The following PPP2R5D variants were observed in gnomAD, a reference collection of about 807,000 sequenced individuals.
PPP2R5D encodes the protein protein phosphatase 2 regulatory subunit B'delta, also known as serine/threonine-protein phosphatase 2A 56 kDa regulatory subunit delta isoform.
A neutral mutation model predicts 79.1 loss-of-function variants in PPP2R5D; 12 were observed. The ratio of observed to expected loss-of-function variants is 0.15; its 90% CI spans 0.10 to 0.25. PPP2R5D has a LOEUF of 0.25. PPP2R5D is among the 10% of genes least tolerant of loss of function. The pLI is 1.00. For missense variants in PPP2R5D, 419 were observed against 760.2 expected (o/e 0.55, Z 5.28); for synonymous variants, 277 against 286.6 (o/e 0.97, Z 0.34).
Position 43,007,632 on chromosome 6 carries a change from T to C in PPP2R5D, c.726+126T>C. On this transcript the variant is annotated intron_variant, in intron 6 of 15. Coordinates refer to ENST00000485511, the MANE Select transcript of PPP2R5D (RefSeq NM_006245.4). This position sits in a 1 kb window ranked among gnomAD's most constrained non-coding sequence, Gnocchi z 4.5. Reference sequence around the variant, plus strand: ...TCATCCATGTCTGGTACGAGGAGGCTATAAAGGGTAAAAAACAAAACAAAA... The same window carrying C: ...TCATCCATGTCTGGTACGAGGAGGCCATAAAGGGTAAAAAACAAAACAAAA... 1.0e-6 allele frequency: 1 copy of C among 995,330 alleles called. No individual in the cohort carries two copies. 61.7% of individuals were successfully genotyped at this position (995,330 alleles called of 1,614,324 possible).
chr6:43,008,106 T>A lies in PPP2R5D; in HGVS notation c.857+41T>A, dbSNP rs754116936. 28 of 1,613,652 alleles carry A rather than the reference T, an allele frequency of 1.7e-5. No homozygotes were observed. In the Middle Eastern group the frequency reaches 4.9e-4, roughly 28 times the overall value. ...CAGGCTTAGGAGCAAAACCTTCTGC[T>A]ACTGAGGTGGGGTGGGAGCAGGGAG... On this transcript the variant is annotated intron_variant, in intron 7 of 15. Coordinates refer to ENST00000485511, the MANE Select transcript of PPP2R5D (RefSeq NM_006245.4). This position sits in a 1 kb window ranked among gnomAD's most constrained non-coding sequence, Gnocchi z 4.2.
chr6:43,010,830 C>T lies in PPP2R5D; in HGVS notation c.1555-51C>T. The T allele has an allele frequency of 1.3e-6, 2 of 1,599,548 alleles. No individual in the cohort carries two copies. The highest frequency in any genetic ancestry group is 4.5e-5 in the East Asian group (2 of 44,774). ...GGGGAGGAATATGGGGCACACAGGC[C>T]CCCAAGCCTCTGAAGTGGCTCTTAA... On this transcript the variant is annotated intron_variant, in intron 14 of 15. Coordinates refer to ENST00000485511, the MANE Select transcript of PPP2R5D (RefSeq NM_006245.4). This position sits in a 1 kb window ranked among gnomAD's most constrained non-coding sequence, Gnocchi z 4.7.
Position 43,006,789 on chromosome 6 carries a change from C to A in PPP2R5D, c.322+110C>A, listed in dbSNP as rs973769113. The A allele has an allele frequency of 1.3e-6, 2 of 1,567,980 alleles. No individual in the cohort carries two copies. Among genetic ancestry groups the A allele is most frequent in the South Asian group, 1.2e-5 (1 of 86,224 alleles). Reference sequence around the variant, plus strand: ...GCGGGGAAGGGAGTTCCAGAGAATGCGGGAAGGGGGTGCCAGGGAGCAGGA... The same window carrying A: ...GCGGGGAAGGGAGTTCCAGAGAATGAGGGAAGGGGGTGCCAGGGAGCAGGA... On this transcript the variant is annotated intron_variant, in intron 3 of 15. Transcript: ENST00000485511. The surrounding 1 kb of genome is among the most constrained non-coding windows in gnomAD (Gnocchi z 4.7).
intron 1 of PPP2R5D, 150 bp from the exon 2 acceptor site, chr6:42,989,461 C>G (rs147864834): frequency 0.021 from 13,449 of 654,638 alleles, 681 homozygotes; most frequent in Admixed American, 0.17. Context: ...TGCGTAGATC[C>G]CTCCACCCAC....
chr6:42,991,457 C>A (rs755594345), intron 2 of PPP2R5D, among the ~76,000 whole-genome samples: 4 of 152,154 alleles, frequency 2.6e-5, no homozygotes, highest in Non-Finnish European at 5.9e-5. Context: ...CAGGACCTCG[C>A]GAGGGCTTCT....
rs944018907 is a variant in PPP2R5D at position 42,984,573 on chromosome 6, G to C, written c.-105G>C. On this transcript the variant is annotated 5_prime_UTR_variant, in exon 1 of 16. Coordinates refer to ENST00000485511, the MANE Select transcript of PPP2R5D (RefSeq NM_006245.4). ...GCAGGCACCGCTCGACCCGGGCGCAGCGCGCAGGCGGTGGCGAAGAGACGC... is the reference window on the plus strand; with the variant it reads ...GCAGGCACCGCTCGACCCGGGCGCACCGCGCAGGCGGTGGCGAAGAGACGC... 27 of 1,454,230 alleles carry C rather than the reference G, an allele frequency of 1.9e-5. No homozygotes were observed. The highest frequency in any genetic ancestry group is 2.2e-5 in the Non-Finnish European group (24 of 1,106,582). The allele number at this position is 1,454,230 out of a possible 1,614,324, so 90.1% of individuals were successfully genotyped here.
rs1271830406 is a variant in PPP2R5D at position 43,007,355 on chromosome 6, C to T, written c.633+49C>T. 1 of 1,606,222 alleles carries T rather than the reference C, an allele frequency of 6.2e-7. No individual in the cohort carries two copies. Among genetic ancestry groups the T allele is most frequent in the East Asian group, 2.2e-5 (1 of 44,834 alleles). On this transcript the variant is annotated intron_variant, in intron 5 of 15. Transcript: ENST00000485511. The surrounding 1 kb of genome is among the most constrained non-coding windows in gnomAD (Gnocchi z 4.5). ...GGCCGTGGCTGCAGGGAGTGGGGCACTTGGAGGCCTGCAAGTCCTTGGGAA... is the reference window on the plus strand; with the variant it reads ...GGCCGTGGCTGCAGGGAGTGGGGCATTTGGAGGCCTGCAAGTCCTTGGGAA...
intron 1 of PPP2R5D, among the ~76,000 whole-genome samples, chr6:42,988,987 A>C (rs2150250463): frequency 6.6e-6 from 1 of 152,248 alleles, no homozygotes; most frequent in African/African-American, 2.4e-5. Context: ...CACTCTTTGT[A>C]ACAGTTCAGG....
intron 2 of PPP2R5D, among the ~76,000 whole-genome samples, chr6:43,005,765 G>A (rs895464211): frequency 1.3e-5 from 2 of 152,070 alleles, no homozygotes; most frequent in Non-Finnish European, 2.9e-5. Context: ...GGGATTACAG[G>A]CGCCTGCCAC....
intron 2 of PPP2R5D, among the ~76,000 whole-genome samples, chr6:43,004,982 C>T (rs984202500): frequency 9.2e-5 from 14 of 151,936 alleles, no homozygotes; most frequent in African/African-American, 3.4e-4. Flanking sequence ...CTCCTGACCT[C>T]AAGTGATACA....
chr6:42,995,730 T>A (rs1771615958), intron 2 of PPP2R5D, among the ~76,000 whole-genome samples: 1 of 120,232 alleles, frequency 8.3e-6, no homozygotes, highest in Non-Finnish European at 1.6e-5. Flanking sequence ...TTTTTCTCCT[T>A]TTTTTTTTTG....
rs1245666922 is a variant in PPP2R5D at position 43,007,692 on chromosome 6, A to G, written c.726+186A>G. On this transcript the variant is annotated intron_variant, in intron 6 of 15. Transcript: ENST00000485511. This position sits in a 1 kb window ranked among gnomAD's most constrained non-coding sequence, Gnocchi z 4.5. Reference sequence around the variant, plus strand: ...ACTCTGGCCTTAAGAAACTAACAACATAATGGTAGGAAACAAAAAAGCAAC... The same window carrying G: ...ACTCTGGCCTTAAGAAACTAACAACGTAATGGTAGGAAACAAAAAAGCAAC... 6.6e-6 allele frequency among the ~76,000 whole-genome samples: 1 copy of G among 152,240 alleles called. No homozygotes were observed. The highest frequency in any genetic ancestry group is 1.9e-4 in the East Asian group (1 of 5,202).
chr6:42,989,535 A>G (rs1215575962), intron 1 of PPP2R5D, 76 bp from the exon 2 acceptor site: 3 of 1,248,352 alleles, frequency 2.4e-6, no homozygotes, highest in Non-Finnish European at 3.4e-6. Flanking sequence ...ATTTGCAACA[A>G]AGATCTAAGG....
At chr6:42,991,440 CT>C (rs1771257413) in intron 2 of PPP2R5D, among the ~76,000 whole-genome samples, 1 of 152,228 alleles carries the variant, frequency 6.6e-6, no homozygotes, top group Non-Finnish European at 1.5e-5. Context: ...CCACCCACCC[CT>C]ATCCCCAGGA....
chr6:42,987,872 G>A (rs1770969098), intron 1 of PPP2R5D, among the ~76,000 whole-genome samples: 1 of 152,194 alleles, frequency 6.6e-6, no homozygotes, highest in South Asian at 2.1e-4. Flanking sequence ...GATTGGAGAT[G>A]TATGAAGATG....
chr6:43,008,298 G>T lies in PPP2R5D; in HGVS notation c.917+38G>T. On this transcript the variant is annotated intron_variant, in intron 8 of 15. Transcript: ENST00000485511. The surrounding 1 kb of genome is among the most constrained non-coding windows in gnomAD (Gnocchi z 4.2). ...GTGGGGGCACAGATGCCTGAAAAAG[G>T]TTGGCAGGATTGGTGTACTGAACTT... 6.2e-7 allele frequency: 1 copy of T among 1,613,992 alleles called. No homozygotes were observed. The highest frequency in any genetic ancestry group is 1.1e-5 in the South Asian group (1 of 91,080).
intron 2 of PPP2R5D, among the ~76,000 whole-genome samples, chr6:43,003,883 C>T (rs1761915140): frequency 6.6e-6 from 1 of 151,976 alleles, no homozygotes; most frequent in South Asian, 2.1e-4. Context: ...TACAGGCACC[C>T]ACCACCACGC....
Position 43,009,350 on chromosome 6 carries a change from A to G in PPP2R5D, c.1280A>G (p.Asn427Ser). Residue 427 changes from asparagine to serine, a missense_variant, in exon 12 of 16, where the codon AAC (asparagine) becomes AGC (serine). Coordinates refer to ENST00000485511, the MANE Select transcript of PPP2R5D (RefSeq NM_006245.4). The surrounding 1 kb of genome is among the most constrained non-coding windows in gnomAD (Gnocchi z 5.6). ...QVAERALYYWNNEYIMSLISD... is the reference protein window; with the variant it reads ...QVAERALYYWSNEYIMSLISD... ...GCAGAGCGTGCTCTCTATTACTGGA[A>G]CAATGAGTACATCATGAGCCTGATA... 1 of 1,614,082 alleles carries G rather than the reference A, an allele frequency of 6.2e-7. No individual in the cohort carries two copies. The highest frequency in any genetic ancestry group is 8.5e-7 in the Non-Finnish European group (1 of 1,179,998).
At position 43,008,556 on chromosome 6, in the gene PPP2R5D, G is replaced by A. The variant is rs1351014470; in HGVS notation, c.1026+81G>A. On this transcript the variant is annotated intron_variant, in intron 9 of 15. Transcript: ENST00000485511. This position sits in a 1 kb window ranked among gnomAD's most constrained non-coding sequence, Gnocchi z 4.2. The stretch of plus-strand genomic sequence containing the variant: ...CAGGAAAGTGTTCCAGCTGGGATAG[G>A]GGAAGCATAGGGAGCAGGTGGGATA... 3.4e-6 allele frequency: 5 copies of A among 1,477,526 alleles called. No homozygotes were observed. Among genetic ancestry groups the A allele is most frequent in the African/African-American group, 1.4e-5 (1 of 71,826 alleles). The allele number at this position is 1,477,526 out of a possible 1,614,324, so 91.5% of individuals were successfully genotyped here. A position where few individuals can be genotyped will look rare whatever the true frequency, so the allele number is the denominator to read the frequency against.
Sources: gnomAD v4.1 joint callset for allele counts (sites outside exome capture counted in the v4.1 genomes callset) on GRCh38, gnomAD v4.1.1 for gene constraint, Gnocchi (gnomAD v3.1) non-coding constraint, MANE v1.5 for transcripts, NCBI Gene and HGNC (gene_info 2026-07-23, HGNC 2026-07-21) for gene names.